Variants in SMARCA2 observed in about 807,000 individuals in gnomAD.
SMARCA2 encodes the protein SWI/SNF related BAF chromatin remodeling complex subunit ATPase 2, also known as SWI/SNF-related matrix-associated actin-dependent regulator of chromatin subfamily A member 2.
In SMARCA2, 61 loss-of-function variants were observed where a neutral mutation model predicts 199.8. The ratio of observed to expected loss-of-function variants is 0.31; its 90% CI spans 0.25 to 0.38. The LOEUF is 0.38. SMARCA2 is among the 10% of genes least tolerant of loss of function. The pLI, the probability that SMARCA2 is intolerant of heterozygous loss-of-function variation, is 1.00. For synonymous variants in SMARCA2, 935 were observed against 732.0 expected, an observed-to-expected ratio of 1.28 and a Z score of -4.48; for missense variants, 1,344 against 2,012.2, an observed-to-expected ratio of 0.67 and a Z score of 6.35.
At chr9:2,093,231 G>A (rs906878819) in intron 19 of SMARCA2, among the ~76,000 whole-genome samples, 4 of 152,180 alleles carry the variant, frequency 2.6e-5, no homozygotes, top group Non-Finnish European at 5.9e-5. Flanking sequence ...GGTTTAGGAC[G>A]GGGTACCCAG....
chr9:2,071,207 TC>T (rs983769977), intron 10 of SMARCA2, among the ~76,000 whole-genome samples: 1 of 152,182 alleles, frequency 6.6e-6, no homozygotes, highest in African/African-American at 2.4e-5. Context: ...CTGGTATCAC[TC>T]TGCACACAGT....
At chr9:2,135,534 G>A (rs928982681) in intron 27 of SMARCA2, among the ~76,000 whole-genome samples, 6 of 152,130 alleles carry the variant, frequency 3.9e-5, no homozygotes, top group African/African-American at 1.4e-4. Context: ...TTAATTTGCA[G>A]GATCCCTTCC....
intron 27 of SMARCA2, among the ~76,000 whole-genome samples, chr9:2,146,134 C>G (rs1257724979): frequency 6.6e-6 from 1 of 152,222 alleles, no homozygotes; most frequent in Admixed American, 6.5e-5. Flanking sequence ...AAGGCACCAG[C>G]AGATTCCATG....
At position 2,143,548 on chromosome 9, in the gene SMARCA2, G is replaced by A. The variant is rs575244473; in HGVS notation, c.3982-18138G>A. ...CATTTAAATGTGACCCTGTGGGAGA[G>A]GAGACCCGTCTGACAGCAGGGAGAC... On this transcript the variant is annotated intron_variant, in intron 27 of 33. Transcript: ENST00000349721. Among the ~76,000 whole-genome samples, 8 of 152,182 alleles carry A rather than the reference G, an allele frequency of 5.3e-5. 1 individual carries two copies. The South Asian group carries it at 1.2e-3, about 24-fold the overall frequency.
At chr9:2,111,502 AAAAAAAAAG>A (rs1170745239) in intron 24 of SMARCA2, among the ~76,000 whole-genome samples, 3 of 151,456 alleles carry the variant, frequency 2.0e-5, no homozygotes, top group Non-Finnish European at 4.4e-5. Flanking sequence ...AAAAAAAAAA[AAAAAAAAAG>A]AAAAGCAAAA....
intron 20 of SMARCA2, 33 bp downstream of exon 20, chr9:2,096,797 CTGTGGTA>C: frequency 8.1e-7 from 1 of 1,229,806 alleles, no homozygotes; most frequent in Non-Finnish European, 1.2e-6. Flanking sequence ...ACTCAAGGTG[CTGTGGTA>C]TGTCTTCTCA....
intron 31 of SMARCA2, among the ~76,000 whole-genome samples, chr9:2,183,507 C>A (rs1171928360): frequency 1.3e-5 from 2 of 152,076 alleles, no homozygotes; most frequent in African/African-American, 4.8e-5. Context: ...GCCTTCAGAC[C>A]CATGAAGAAG....
At chr9:2,044,504 A>G (rs980341267) in intron 4 of SMARCA2, 7 of 152,246 alleles carry the variant, frequency 4.6e-5, no homozygotes, top group African/African-American at 1.2e-4. Context: ...AGCTGAGTCA[A>G]TTAGGCTTCT....
At chr9:2,096,481 A>G in intron 19 of SMARCA2, 176 bp from the exon 20 acceptor site, 2 of 544,758 alleles carry the variant, frequency 3.7e-6, no homozygotes. Context: ...GGTACCTTGA[A>G]CAATGATGAC....
chr9:2,124,905 A>G (rs1823621409), intron 27 of SMARCA2, among the ~76,000 whole-genome samples: 2 of 152,208 alleles, frequency 1.3e-5, no homozygotes, highest in Non-Finnish European at 2.9e-5. Context: ...AGACACAGCC[A>G]GTAAATGCAT....
chr9:2,115,403 T>G lies in SMARCA2; in HGVS notation c.3457-419T>G, dbSNP rs981242188. On this transcript the variant is annotated intron_variant, in intron 24 of 33. Transcript: ENST00000349721. The surrounding 1 kb of genome is among the most constrained non-coding windows in gnomAD (Gnocchi z 6.0). Reference sequence around the variant, plus strand: ...CTGAATGTACAACTCAGTGATATTTTTAAAATAATCTTCAACACATCACGC... The same window carrying G: ...CTGAATGTACAACTCAGTGATATTTGTAAAATAATCTTCAACACATCACGC... 6.6e-6 allele frequency among the ~76,000 whole-genome samples: 1 copy of G among 152,194 alleles called. No homozygotes were observed. The highest frequency in any genetic ancestry group is 6.5e-5 in the Admixed American group (1 of 15,282).
chr9:2,152,687 A>G (rs542686246), intron 27 of SMARCA2, among the ~76,000 whole-genome samples: 60 of 151,884 alleles, frequency 4.0e-4, no homozygotes, highest in African/African-American at 1.4e-3. Context: ...CCCCATCTCT[A>G]CTAAAAATAT....
At chr9:2,054,528 A>G (rs2130332479) in intron 5 of SMARCA2, 69 bp from the exon 6 acceptor site, 1 of 1,557,758 alleles carries the variant, frequency 6.4e-7, no homozygotes, top group East Asian at 2.3e-5. Context: ...GTCATTGTTT[A>G]TCATTTAAGA....
intron 27 of SMARCA2, among the ~76,000 whole-genome samples, chr9:2,142,248 A>T (rs1187107356): frequency 6.6e-6 from 1 of 152,186 alleles, no homozygotes; most frequent in Non-Finnish European, 1.5e-5. Context: ...CATCAAATTT[A>T]AAGTTTTTAA....
chr9:2,184,819 C>T (rs1191314360), intron 31 of SMARCA2, among the ~76,000 whole-genome samples: 1 of 152,042 alleles, frequency 6.6e-6, no homozygotes, highest in African/African-American at 2.4e-5. Flanking sequence ...ACTCTGATGT[C>T]TCTGGAAAAT....
In SMARCA2 at chr9:2,110,183, C is replaced by T; in HGVS notation, c.3293-71C>T. The T allele has an allele frequency of 8.0e-7, 1 of 1,253,620 alleles. No homozygotes were observed. 77.7% of individuals were successfully genotyped at this position (1,253,620 alleles called of 1,614,324 possible). On this transcript the variant is annotated intron_variant, in intron 23 of 33. Coordinates refer to ENST00000349721, the MANE Select transcript of SMARCA2 (RefSeq NM_003070.5). The surrounding 1 kb of genome is among the most constrained non-coding windows in gnomAD (Gnocchi z 4.8). ...GGGTATATTTCTTGAAGGAAGCAAG[C>T]CTTTTTGTCTCATTCTGTGCCATTT...
At chr9:2,178,779 G>A (rs566259076) in intron 29 of SMARCA2, among the ~76,000 whole-genome samples, 2 of 151,936 alleles carry the variant, frequency 1.3e-5, no homozygotes, top group African/African-American at 2.4e-5. Context: ...GCAAGTGTTC[G>A]TGCTACCTCA....
At chr9:2,113,066 A>C (rs1004729399) in intron 24 of SMARCA2, among the ~76,000 whole-genome samples, 2 of 152,212 alleles carry the variant, frequency 1.3e-5, no homozygotes, top group Non-Finnish European at 2.9e-5. Context: ...AAAATTGTGA[A>C]GGTCTTTGTA....
Position 2,088,529 on chromosome 9 carries a change from G to A in SMARCA2, c.2799G>A (p.Leu933=). ...RVDLNEEETI[L]IIRRLHKVLR... ...ACTTAAATGAAGAAGAAACTATATTGATCATCAGGCGTCTACATAAGGTGT... is the reference window on the plus strand; with the variant it reads ...ACTTAAATGAAGAAGAAACTATATTAATCATCAGGCGTCTACATAAGGTGT... Residue 933 remains leucine (L), a synonymous_variant, in exon 19 of 34, where the codon TTG becomes TTA. Transcript: ENST00000349721. 1 of 1,587,804 alleles carries A rather than the reference G, an allele frequency of 6.3e-7. No individual in the cohort carries two copies. The highest frequency in any genetic ancestry group is 8.5e-7 in the Non-Finnish European group (1 of 1,173,922).
Sources: allele counts gnomAD v4.1 joint callset (sites outside exome capture counted in the v4.1 genomes callset), GRCh38; gene constraint gnomAD v4.1.1; non-coding constraint Gnocchi (gnomAD v3.1); transcripts MANE v1.5; gene names NCBI Gene and HGNC (gene_info 2026-07-23, HGNC 2026-07-21).